SBF2: variants seen among roughly 807,000 people sequenced by gnomAD.
SBF2 encodes myotubularin-related protein 13.
A neutral mutation model predicts 225.2 loss-of-function variants in SBF2; 112 were observed. The observed-to-expected ratio is 0.50, with a 90% confidence interval of 0.43 to 0.58. The LOEUF (loss-of-function observed/expected upper bound fraction) is 0.58. SBF2 is among the 20% of genes least tolerant of loss of function. The pLI, the probability that SBF2 is intolerant of heterozygous loss-of-function variation, is 0.00. For synonymous variants in SBF2, 763 were observed against 773.3 expected (o/e 0.99, Z 0.22); for missense variants, 1,996 against 2,206.2 (o/e 0.90, Z 1.91).
At chr11:9,947,840 G>A (rs1004574863) in intron 16 of SBF2, among the ~76,000 whole-genome samples, 1 of 152,112 alleles carries the variant, frequency 6.6e-6, no homozygotes, top group Non-Finnish European at 1.5e-5. Context: ...TGGTGGGAAT[G>A]TAAAATGATG....
At chr11:10,093,348 AAAT>A (rs1378322816) in intron 2 of SBF2, among the ~76,000 whole-genome samples, 1 of 151,288 alleles carries the variant, frequency 6.6e-6, no homozygotes, top group Non-Finnish European at 1.5e-5. Context: ...TATAAACTCC[AAAT>A]ATACTAACAG....
intron 2 of SBF2, among the ~76,000 whole-genome samples, chr11:10,108,433 A>T (rs1376716321): frequency 6.6e-6 from 1 of 151,962 alleles, no homozygotes; most frequent in African/African-American, 2.4e-5. Flanking sequence ...TTATAGATCC[A>T]GGGCAGTTTG....
chr11:10,075,832 A>G (rs1951076973), intron 2 of SBF2, among the ~76,000 whole-genome samples: 1 of 152,134 alleles, frequency 6.6e-6, no homozygotes, highest in Non-Finnish European at 1.5e-5. Context: ...TGAATGCAAC[A>G]GAGGACACCT....
intron 1 of SBF2, among the ~76,000 whole-genome samples, chr11:10,255,332 T>C (rs1960777297): frequency 6.6e-6 from 1 of 152,196 alleles, no homozygotes; most frequent in Non-Finnish European, 1.5e-5. Context: ...CATTATGTTG[T>C]ACATGATAAA....
At chr11:10,010,964 AGTTG>A (rs779128687) in intron 6 of SBF2, among the ~76,000 whole-genome samples, 34 of 152,242 alleles carry the variant, frequency 2.2e-4, no homozygotes, top group South Asian at 1.0e-3. Context: ...ATCCCTTGTA[AGTTG>A]TATTCCTAGG....
At chr11:10,072,810 C>T (rs916286877) in intron 2 of SBF2, among the ~76,000 whole-genome samples, 1 of 149,572 alleles carries the variant, frequency 6.7e-6, no homozygotes, top group African/African-American at 2.5e-5. Flanking sequence ...CAGATCACTG[C>T]TGCCTCGCCC....
chr11:10,063,352 A>T (rs1793704411), intron 2 of SBF2, among the ~76,000 whole-genome samples: 1 of 129,658 alleles, frequency 7.7e-6, no homozygotes, highest in South Asian at 2.5e-4. Context: ...ATATTTTTTT[A>T]ATTTTTTTAT....
chr11:10,198,661 C>G (rs1957465510), intron 1 of SBF2, among the ~76,000 whole-genome samples: 1 of 152,222 alleles, frequency 6.6e-6, no homozygotes, highest in Non-Finnish European at 1.5e-5. Context: ...GCATCTTCTT[C>G]CAATACAGCC....
intron 1 of SBF2, among the ~76,000 whole-genome samples, chr11:10,225,628 T>A (rs915267203): frequency 2.0e-4 from 30 of 152,134 alleles, no homozygotes; most frequent in Admixed American, 9.2e-4. Flanking sequence ...AAGAAAAAAG[T>A]GCTGGGTTTT....
At chr11:10,139,198 T>C (rs979656102) in intron 2 of SBF2, among the ~76,000 whole-genome samples, 1 of 152,188 alleles carries the variant, frequency 6.6e-6, no homozygotes, top group Non-Finnish European at 1.5e-5. Flanking sequence ...GGGAAAATGT[T>C]AAGATTTTCA....
chr11:9,908,503 TG>T lies in SBF2; in HGVS notation c.1861-12493del, dbSNP rs1207973428. On this transcript the variant is annotated intron_variant, in intron 16 of 39. Coordinates refer to ENST00000256190, the MANE Select transcript of SBF2 (RefSeq NM_030962.4). ...TTAGCCAGGCGTGGTGGCGGGCGCCTGTAGTCCCAGCTACTCAGGAGGCTGA... is the reference window on the plus strand; with the variant it reads ...TTAGCCAGGCGTGGTGGCGGGCGCCTTAGTCCCAGCTACTCAGGAGGCTGA... 3.9e-5 allele frequency among the ~76,000 whole-genome samples: 6 copies of T among 152,114 alleles called. No individual in the cohort carries two copies. In the East Asian group the frequency reaches 1.2e-3, roughly 29 times the overall value.
chr11:10,207,887 G>A (rs1289695210), intron 1 of SBF2, among the ~76,000 whole-genome samples: 2 of 152,074 alleles, frequency 1.3e-5, no homozygotes, highest in African/African-American at 2.4e-5. Context: ...AGGTAAATAT[G>A]ATATCCATTT....
rs1946672628 is a variant in SBF2 at position 9,976,116 on chromosome 11, C to T, written c.1396-7571G>A. ...TGAGACGAAGTCTTGTCTTGCTGCCCAGGCTGGAGTGCAATGACGTGATCT... is the reference window on the plus strand; with the variant it reads ...TGAGACGAAGTCTTGTCTTGCTGCCTAGGCTGGAGTGCAATGACGTGATCT... On this transcript the variant is annotated intron_variant, in intron 13 of 39. Coordinates refer to ENST00000256190, the MANE Select transcript of SBF2 (RefSeq NM_030962.4). 1.3e-5 allele frequency among the ~76,000 whole-genome samples: 2 copies of T among 148,950 alleles called. 1 individual carries two copies.
intron 6 of SBF2, among the ~76,000 whole-genome samples, chr11:10,016,147 A>G (rs1948643661): frequency 6.6e-6 from 1 of 152,196 alleles, no homozygotes; most frequent in Non-Finnish European, 1.5e-5. Context: ...CAAGTAGTTC[A>G]TCAGAAAATA....
At chr11:10,067,687 T>C (rs895471636) in intron 2 of SBF2, among the ~76,000 whole-genome samples, 10 of 152,084 alleles carry the variant, frequency 6.6e-5, no homozygotes, top group East Asian at 5.8e-4. Context: ...TTGAGTCCAG[T>C]AGTTTGAGAC....
chr11:9,787,259 G>C (rs2133854136), intron 36 of SBF2, among the ~76,000 whole-genome samples: 3 of 152,344 alleles, frequency 2.0e-5, no homozygotes, highest in Middle Eastern at 6.8e-3. Context: ...GAACAACACA[G>C]GGTAGCATAT....
At chr11:10,254,956 A>G (rs1258094683) in intron 1 of SBF2, among the ~76,000 whole-genome samples, 2 of 149,250 alleles carry the variant, frequency 1.3e-5, no homozygotes, top group Non-Finnish European at 3.0e-5. Flanking sequence ...TATTTTCAAA[A>G]ACATCAATGA....
chr11:9,845,497 G>T, intron 24 of SBF2, 68 bp downstream of exon 24: 1 of 1,409,842 alleles, frequency 7.1e-7, no homozygotes. Flanking sequence ...TGGACACAAA[G>T]GATAGGTTAC....
intron 16 of SBF2, among the ~76,000 whole-genome samples, chr11:9,939,664 T>C (rs372019176): frequency 2.6e-5 from 4 of 152,228 alleles, no homozygotes; most frequent in Admixed American, 6.5e-5. Context: ...GGTAAGGATA[T>C]GGGAAAGGAG....
Sources: allele counts gnomAD v4.1 joint callset (sites outside exome capture counted in the v4.1 genomes callset), GRCh38; gene constraint gnomAD v4.1.1; transcripts MANE v1.5; gene names NCBI Gene and HGNC (gene_info 2026-07-23, HGNC 2026-07-21).